Variants in CDH20 observed in about 807,000 individuals in gnomAD.
CDH20 encodes the protein cadherin-20.
In CDH20, 29 loss-of-function variants were observed where a neutral mutation model predicts 74.2. The observed-to-expected ratio is 0.39, with a 90% CI of 0.29 to 0.53. The LOEUF (loss-of-function observed/expected upper bound fraction) is 0.53, where lower values mean the gene tolerates loss of function less well. Ranked by LOEUF, CDH20 falls within the 20% of genes least tolerant of loss-of-function variation. CDH20 has a pLI of 0.69. For missense variants in CDH20, 988 were observed against 1,048.3 expected (o/e 0.94, Z 0.79); for synonymous variants, 469 against 405.4 (o/e 1.16, Z -1.88).
rs1226788301 is a variant in CDH20 at position 61,333,801 on chromosome 18, T to C, written c.-179T>C. On this transcript the variant is annotated 5_prime_UTR_variant, in exon 1 of 12. Transcript: ENST00000262717. ...GCCCTGGAGCAGTTAGGACCGAAGG[T>C]CTCCGGAGAGTCGCCGGCGGTGCCA... The C allele has an allele frequency of 1.3e-5, 2 of 152,040 alleles. No individual in the cohort carries two copies. Among genetic ancestry groups the C allele is most frequent in the Non-Finnish European group, 2.9e-5 (2 of 68,100 alleles). The allele number at this position is 152,040 out of a possible 1,614,324, so 9.4% of individuals were successfully genotyped here. A position where few individuals can be genotyped will look rare whatever the true frequency, so the allele number is the denominator to read the frequency against.
chr18:61,403,250 G>A (rs1347678752), intron 1 of CDH20, among the ~76,000 whole-genome samples: 1 of 152,120 alleles, frequency 6.6e-6, no homozygotes, highest in Admixed American at 6.5e-5. Context: ...GGGATGTTGA[G>A]GAGAACGTGT....
Position 61,347,287 on chromosome 18 carries a change from A to AATATATAT in CDH20, c.-153+13486_-153+13493dup, listed in dbSNP as rs758677743. Among the ~76,000 whole-genome samples the AATATATAT allele has an allele frequency of 5.8e-3, 500 of 86,334 alleles. 4 individuals carry two copies. The highest frequency in any genetic ancestry group is 0.016 in the South Asian group (32 of 2,054). 56.6% of individuals were successfully genotyped at this position (86,334 alleles called of 152,430 possible). ...AACATGGTGAAACCTTGTCTCTGCT[A>AATATATAT]ATATATATATATATATATATATATA... On this transcript the variant is annotated intron_variant, in intron 1 of 11. Transcript: ENST00000262717.
At chr18:61,364,304 GTGTT>G (rs757382907) in intron 1 of CDH20, among the ~76,000 whole-genome samples, 62 of 152,030 alleles carry the variant, frequency 4.1e-4, no homozygotes, top group South Asian at 4.2e-4. Flanking sequence ...TGAATGAGGT[GTGTT>G]TGTTTGTTTG....
At chr18:61,372,351 C>G (rs575686488) in intron 1 of CDH20, among the ~76,000 whole-genome samples, 1 of 152,134 alleles carries the variant, frequency 6.6e-6, no homozygotes, top group African/African-American at 2.4e-5. Flanking sequence ...AAATGCTCAA[C>G]TCATTTTTAA....
intron 1 of CDH20, among the ~76,000 whole-genome samples, chr18:61,420,781 G>A (rs117630893): frequency 0.036 from 5,541 of 152,224 alleles, 141 homozygotes; most frequent in South Asian, 0.049. Flanking sequence ...CTGGCTGGGC[G>A]CGGTGGCTCA....
At chr18:61,429,778 A>C (rs1031042043) in intron 1 of CDH20, among the ~76,000 whole-genome samples, 1 of 152,192 alleles carries the variant, frequency 6.6e-6, no homozygotes, top group Admixed American at 6.5e-5. Context: ...TGCTTTGAGG[A>C]GTTCACTTGA....
intron 1 of CDH20, among the ~76,000 whole-genome samples, chr18:61,347,290 ATATATATATATAT>A (rs1568104042): frequency 2.2e-3 from 96 of 42,704 alleles, no homozygotes; most frequent in African/African-American, 8.9e-3. Flanking sequence ...CTCTGCTAAT[ATATATATATATAT>A]ATATATATAT....
intron 1 of CDH20, among the ~76,000 whole-genome samples, chr18:61,474,358 A>G (rs757288785): frequency 3.0e-4 from 46 of 152,146 alleles, no homozygotes; most frequent in Non-Finnish European, 5.4e-4. Context: ...CTGCACTTTG[A>G]CCTTTTCTCC....
At chr18:61,460,987 A>G (rs1050489130) in intron 1 of CDH20, among the ~76,000 whole-genome samples, 1 of 152,182 alleles carries the variant, frequency 6.6e-6, no homozygotes, top group Non-Finnish European at 1.5e-5. Context: ...GAATTATATG[A>G]CATTGTTATT....
At chr18:61,526,121 C>CTTTTT (rs765492185) in intron 6 of CDH20, among the ~76,000 whole-genome samples, 3 of 90,206 alleles carry the variant, frequency 3.3e-5, no homozygotes, top group African/African-American at 4.8e-5. Flanking sequence ...AAAAAGTTGA[C>CTTTTT]TTTTTTTTTT....
intron 1 of CDH20, among the ~76,000 whole-genome samples, chr18:61,458,298 C>A (rs1200805226): frequency 6.6e-6 from 1 of 152,172 alleles, no homozygotes; most frequent in South Asian, 2.1e-4. Flanking sequence ...TTCTAAAAAT[C>A]CTGTTCTAAA....
chr18:61,346,587 A>C (rs913253928), intron 1 of CDH20, among the ~76,000 whole-genome samples: 3 of 152,216 alleles, frequency 2.0e-5, no homozygotes, highest in African/African-American at 7.2e-5. Flanking sequence ...AAAATATTAA[A>C]ATAAAATACA....
At chr18:61,399,710 C>T (rs1266347588) in intron 1 of CDH20, among the ~76,000 whole-genome samples, 2 of 152,158 alleles carry the variant, frequency 1.3e-5, no homozygotes, top group Admixed American at 6.5e-5. Flanking sequence ...AAAAAATTTG[C>T]TTTCAGTCTC....
intron 7 of CDH20, among the ~76,000 whole-genome samples, chr18:61,534,054 C>T (rs1378251373): frequency 6.6e-6 from 1 of 151,954 alleles, no homozygotes; most frequent in Non-Finnish European, 1.5e-5. Flanking sequence ...GGACAAATGA[C>T]CCTGTTAAAA....
intron 1 of CDH20, among the ~76,000 whole-genome samples, chr18:61,415,387 G>C (rs1912648607): frequency 6.6e-6 from 1 of 152,180 alleles, no homozygotes; most frequent in Admixed American, 6.5e-5. Flanking sequence ...AAATGCTGGA[G>C]CACAGGCATT....
intron 8 of CDH20, among the ~76,000 whole-genome samples, chr18:61,538,578 C>CTTTTTTT (rs148829012): frequency 2.9e-5 from 1 of 34,992 alleles, no homozygotes; most frequent in African/African-American, 6.1e-5. Context: ...TAAATAACTA[C>CTTTTTTT]TTTTTGTTTG....
intron 1 of CDH20, among the ~76,000 whole-genome samples, chr18:61,447,745 A>G (rs1453317201): frequency 6.6e-6 from 1 of 152,198 alleles, no homozygotes; most frequent in Non-Finnish European, 1.5e-5. Context: ...TTAATTTCAC[A>G]TCATGACTTT....
intron 1 of CDH20, among the ~76,000 whole-genome samples, chr18:61,389,499 A>G (rs1481787174): frequency 1.3e-5 from 2 of 152,212 alleles, no homozygotes. Context: ...CCATTCAGCA[A>G]TATAAAATGA....
intron 6 of CDH20, among the ~76,000 whole-genome samples, chr18:61,512,543 AG>A (rs143669565): frequency 0.072 from 11,012 of 152,288 alleles, 573 homozygotes; most frequent in East Asian, 0.18. Context: ...GTACTCTCGT[AG>A]GCACAGTTAG....
Sources: gnomAD v4.1 joint callset for allele counts (sites outside exome capture counted in the v4.1 genomes callset) on GRCh38, gnomAD v4.1.1 for gene constraint, MANE v1.5 for transcripts, NCBI Gene and HGNC (gene_info 2026-07-23, HGNC 2026-07-21) for gene names.